ARL15: variants seen among roughly 807,000 people sequenced by gnomAD.
ARL15 encodes ARF like GTPase 15, also known as ADP-ribosylation factor-like protein 15.
ARL15 carries 19 observed loss-of-function variants against 25.2 expected under a neutral mutation model. The ratio of observed to expected loss-of-function variants is 0.75; its 90% confidence interval spans 0.53 to 1.10. The LOEUF (loss-of-function observed/expected upper bound fraction) is 1.10. Among genes scored for constraint, ARL15 ranks in the 50% least tolerant of loss-of-function variants. The pLI is 0.00. For missense variants in ARL15, 220 were observed against 246.0 expected (o/e 0.89, Z 0.71); for synonymous variants, 94 against 86.8 (o/e 1.08, Z -0.46).
chr5:54,010,351 T>C (rs1157188313), intron 4 of ARL15, among the ~76,000 whole-genome samples: 1 of 152,170 alleles, frequency 6.6e-6, no homozygotes, highest in East Asian at 1.9e-4. Context: ...AAAACACTGG[T>C]CTAAAAAAAT....
intron 4 of ARL15, among the ~76,000 whole-genome samples, chr5:54,082,044 CT>C (rs1186879382): frequency 2.1e-5 from 3 of 139,886 alleles, no homozygotes; most frequent in African/African-American, 8.0e-5. Context: ...TGAGCCAAGA[CT>C]GAGCCACTGC....
At chr5:54,198,081 GACAAAATTCAACAACCCTTCAT>G (rs1190337799) in intron 1 of ARL15, among the ~76,000 whole-genome samples, 1 of 152,058 alleles carries the variant, frequency 6.6e-6, no homozygotes, top group Non-Finnish European at 1.5e-5. Flanking sequence ...AAAGGCCTTT[GACAAAATTCAACAACCCTTCAT>G]GTTAAAAACT....
intron 4 of ARL15, among the ~76,000 whole-genome samples, chr5:53,970,371 C>G (rs939907930): frequency 6.6e-6 from 1 of 152,050 alleles, no homozygotes; most frequent in African/African-American, 2.4e-5. Flanking sequence ...CATTTGAAAC[C>G]AAAATCATGT....
At chr5:54,178,179 C>T (rs1579877708) in intron 1 of ARL15, among the ~76,000 whole-genome samples, 1 of 152,216 alleles carries the variant, frequency 6.6e-6, no homozygotes, top group African/African-American at 2.4e-5. Flanking sequence ...GCACTGGCCC[C>T]TGCATTGCCA....
In ARL15 at chr5:53,884,316, A is replaced by G. The variant is rs1203916698; in HGVS notation, c.*2245T>C. 1.3e-5 allele frequency: 2 copies of G among 152,162 alleles called. No homozygotes were observed. Among genetic ancestry groups the G allele is most frequent in the African/African-American group, 4.8e-5 (2 of 41,520 alleles). 9.4% of individuals were successfully genotyped at this position (152,162 alleles called of 1,614,324 possible). Reference sequence around the variant, plus strand: ...AACCAAGACACCTGTGGCACTTTACATGAAAGTAGGAAAAGGGACTTACAC... The same window carrying G: ...AACCAAGACACCTGTGGCACTTTACGTGAAAGTAGGAAAAGGGACTTACAC... On this transcript the variant is annotated 3_prime_UTR_variant, in exon 5 of 5. Coordinates refer to ENST00000504924, the MANE Select transcript of ARL15 (RefSeq NM_019087.3).
chr5:53,946,429 G>A (rs1197257016), intron 4 of ARL15, among the ~76,000 whole-genome samples: 1 of 118,750 alleles, frequency 8.4e-6, no homozygotes, highest in Non-Finnish European at 1.6e-5. Context: ...CAGTCTGGGC[G>A]ACAGAGCAAG....
At position 53,975,884 on chromosome 5, in the gene ARL15, T is replaced by A. The variant is rs553313218; in HGVS notation, c.463-89171A>T. 3.3e-5 allele frequency among the ~76,000 whole-genome samples: 5 copies of A among 152,180 alleles called. No homozygotes were observed. In the South Asian group the frequency reaches 1.0e-3, roughly 32 times the overall value. ...GCTCTGCCTACGTCATCTGGGTGTGTAGCTATAATAACAAAAATGGCAAAA... is the reference window on the plus strand; with the variant it reads ...GCTCTGCCTACGTCATCTGGGTGTGAAGCTATAATAACAAAAATGGCAAAA... On this transcript the variant is annotated intron_variant, in intron 4 of 4. Transcript: ENST00000504924.
chr5:54,058,834 C>G (rs1272662307), intron 4 of ARL15, among the ~76,000 whole-genome samples: 1 of 152,100 alleles, frequency 6.6e-6, no homozygotes, highest in Non-Finnish European at 1.5e-5. Flanking sequence ...TCAAGGCTCC[C>G]TCGGGTTACC....
intron 3 of ARL15, among the ~76,000 whole-genome samples, chr5:54,149,469 ATTGCACAGAAT>A (rs1351764906): frequency 3.3e-5 from 5 of 152,156 alleles, no homozygotes; most frequent in Non-Finnish European, 7.4e-5. Context: ...GGTGTCCTTT[ATTGCACAGAAT>A]TGAGAGGCGG....
chr5:54,117,364 GACACAT>G (rs989319645), intron 3 of ARL15, among the ~76,000 whole-genome samples: 29 of 90,982 alleles, frequency 3.2e-4, no homozygotes, highest in Non-Finnish European at 5.5e-4. Context: ...CAAATAGTGA[GACACAT>G]ACACACACAC....
At chr5:54,058,015 TA>T (rs770864374) in intron 4 of ARL15, among the ~76,000 whole-genome samples, 3,786 of 56,328 alleles carry the variant, frequency 0.067, 79 homozygotes, top group Non-Finnish European at 0.1. Context: ...TTTATTTATT[TA>T]TTTTTTTTGA....
intron 4 of ARL15, among the ~76,000 whole-genome samples, chr5:54,013,146 A>T (rs541260955): frequency 1.5e-4 from 23 of 152,322 alleles, no homozygotes; most frequent in African/African-American, 4.8e-4. Context: ...AGACATCTCT[A>T]TTAGTTTTGA....
intron 4 of ARL15, among the ~76,000 whole-genome samples, chr5:54,051,761 A>G (rs1312331172): frequency 6.6e-6 from 1 of 152,220 alleles, no homozygotes; most frequent in African/African-American, 2.4e-5. Flanking sequence ...AGTTTCTTAC[A>G]AATACGACCC....
At chr5:53,991,655 T>C (rs1748502758) in intron 4 of ARL15, among the ~76,000 whole-genome samples, 1 of 151,634 alleles carries the variant, frequency 6.6e-6, no homozygotes, top group African/African-American at 2.4e-5. Context: ...AGATCAGAAG[T>C]ATGCTTCTAT....
chr5:54,184,460 A>C (rs1231760972), intron 1 of ARL15, among the ~76,000 whole-genome samples: 1 of 123,274 alleles, frequency 8.1e-6, no homozygotes, highest in African/African-American at 3.3e-5. Flanking sequence ...AAAAAAAAAA[A>C]AAAAAAAAAA....
intron 4 of ARL15, among the ~76,000 whole-genome samples, chr5:54,076,625 T>TA (rs144601207): frequency 0.5 from 76,264 of 151,760 alleles, 21,328 homozygotes; most frequent in Non-Finnish European, 0.62. Context: ...AAGAATCCTG[T>TA]AAAAAAATCA....
chr5:54,162,715 C>T (rs1473461601), intron 2 of ARL15, among the ~76,000 whole-genome samples: 1 of 152,120 alleles, frequency 6.6e-6, no homozygotes, highest in African/African-American at 2.4e-5. Flanking sequence ...ATAGCCAGAG[C>T]TATCCTCTAA....
intron 4 of ARL15, among the ~76,000 whole-genome samples, chr5:53,890,107 C>G (rs1344677857): frequency 1.3e-5 from 2 of 152,134 alleles, no homozygotes; most frequent in African/African-American, 4.8e-5. Context: ...GCTGCTGGGC[C>G]TGGCCTAGGA....
intron 4 of ARL15, among the ~76,000 whole-genome samples, chr5:54,018,499 C>T (rs1270510122): frequency 3.3e-5 from 5 of 152,132 alleles, no homozygotes; most frequent in Non-Finnish European, 5.9e-5. Context: ...AAAAAGGCAC[C>T]GTCAAAGACC....
Sources: allele counts gnomAD v4.1 joint callset (sites outside exome capture counted in the v4.1 genomes callset), GRCh38; gene constraint gnomAD v4.1.1; transcripts MANE v1.5; gene names NCBI Gene and HGNC (gene_info 2026-07-23, HGNC 2026-07-21).